BCAT2: variants seen among roughly 807,000 people sequenced by gnomAD.
BCAT2 encodes branched-chain-amino-acid aminotransferase, mitochondrial.
A neutral mutation model predicts 52.9 loss-of-function variants in BCAT2; 44 were observed. The ratio of observed to expected loss-of-function variants is 0.83; its 90% CI spans 0.65 to 1.07. BCAT2 has a LOEUF of 1.07. Among genes scored for constraint, BCAT2 ranks in the 50% least tolerant of loss-of-function variants. The pLI is 0.00. For synonymous variants in BCAT2, 215 were observed against 217.1 expected, an observed-to-expected ratio of 0.99 and a Z score of 0.08; for missense variants, 478 against 521.8, an observed-to-expected ratio of 0.92 and a Z score of 0.82.
rs2034824233 is a variant in BCAT2, at chr19:48,807,752, T to A, written c.25-678A>T. On this transcript the variant is annotated intron_variant, in intron 1 of 10. Coordinates refer to ENST00000316273, the MANE Select transcript of BCAT2 (RefSeq NM_001190.4). This position sits in a 1 kb window ranked among gnomAD's most constrained non-coding sequence, Gnocchi z 4.6. ...AGGTATTCGATCAACTGGGCTCTGA[T>A]TACCTGAAATACAAACCCATTTTGG... 1 of 986,054 alleles carries A rather than the reference T, an allele frequency of 1.0e-6. No individual in the cohort carries two copies. Among genetic ancestry groups the A allele is most frequent in the Non-Finnish European group, 1.2e-6 (1 of 830,068 alleles). 61.1% of individuals were successfully genotyped at this position (986,054 alleles called of 1,614,324 possible).
intron 1 of BCAT2, among the ~76,000 whole-genome samples, chr19:48,808,936 TGGTGGC>T (rs1413234600): frequency 1.3e-5 from 2 of 151,406 alleles, no homozygotes; most frequent in Non-Finnish European, 2.9e-5. Flanking sequence ...TAGCCAGGTA[TGGTGGC>T]ACACACCTGT....
chr19:48,806,502 C>A lies in BCAT2; in HGVS notation c.300+15G>T, dbSNP rs766873285. On this transcript the variant is annotated intron_variant, in intron 3 of 10. Transcript: ENST00000316273. ...TGCAGACAGGGACAGGGAGAGAGGCCGGCCGCCATGCCACCTGCAGGGAGT... is the reference window on the plus strand; with the variant it reads ...TGCAGACAGGGACAGGGAGAGAGGCAGGCCGCCATGCCACCTGCAGGGAGT... 1.2e-6 allele frequency: 2 copies of A among 1,613,192 alleles called. No individual in the cohort carries two copies. The highest frequency in any genetic ancestry group is 1.1e-5 in the South Asian group (1 of 91,024).
chr19:48,810,736 CTTTTTT>C (rs35945446), intron 1 of BCAT2: 412 of 720,894 alleles, frequency 5.7e-4, no homozygotes, highest in South Asian at 1.6e-3. Context: ...CCATGTTTCC[CTTTTTT>C]TTTTTTTTTT....
intron 6 of BCAT2, chr19:48,797,591 C>T: frequency 2.3e-6 from 1 of 434,594 alleles, no homozygotes; most frequent in Non-Finnish European, 4.2e-6. Flanking sequence ...CGCTCTGTCA[C>T]CCAGGCTGGA....
In BCAT2 at chr19:48,797,178, T is replaced by A; in HGVS notation, c.838+13A>T. The A allele has an allele frequency of 6.2e-7, 1 of 1,613,446 alleles. No homozygotes were observed. The highest frequency in any genetic ancestry group is 8.5e-7 in the Non-Finnish European group (1 of 1,179,712). ...TTCCACCAGGGTTCGGGCTGGGTCATGGGTGGGCTTACCCCCATCTTCGTG... is the reference window on the plus strand; with the variant it reads ...TTCCACCAGGGTTCGGGCTGGGTCAAGGGTGGGCTTACCCCCATCTTCGTG... On this transcript the variant is annotated intron_variant, in intron 7 of 10. Transcript: ENST00000316273.
At chr19:48,801,011 A>T (rs2034646311) in intron 3 of BCAT2, among the ~76,000 whole-genome samples, 1 of 151,480 alleles carries the variant, frequency 6.6e-6, no homozygotes, top group South Asian at 2.1e-4. Flanking sequence ...GTTTTGAGAC[A>T]GGGTCTCACT....
At chr19:48,802,293 AACTG>A (rs1308410209) in intron 3 of BCAT2, among the ~76,000 whole-genome samples, 1 of 152,040 alleles carries the variant, frequency 6.6e-6, no homozygotes, top group Non-Finnish European at 1.5e-5. Context: ...TGGGTGTGGA[AACTG>A]ACACACCCTG....
At position 48,807,144 on chromosome 19, in the gene BCAT2, C is replaced by T; in HGVS notation, c.25-70G>A. On this transcript the variant is annotated intron_variant, in intron 1 of 10. Transcript: ENST00000316273. This position sits in a 1 kb window ranked among gnomAD's most constrained non-coding sequence, Gnocchi z 4.6. ...AGGGGCCCTGGCAGCTCGCTCGCCA[C>T]CTCCTGCACTTGGAGGTCCCACTGG... The T allele has an allele frequency of 1.5e-6, 2 of 1,335,358 alleles. No homozygotes were observed. The highest frequency in any genetic ancestry group is 2.1e-6 in the Non-Finnish European group (2 of 954,666). 82.7% of individuals were successfully genotyped at this position (1,335,358 alleles called of 1,614,324 possible). A position where few individuals can be genotyped will look rare whatever the true frequency, so the allele number is the denominator to read the frequency against.
chr19:48,796,486 G>A lies in BCAT2; in HGVS notation c.1082C>T (p.Thr361Ile). The change falls in exon 10 of 11, where the codon ACC (threonine) becomes ATC (isoleucine). Residue 361 changes from threonine to isoleucine, a missense_variant. Physicochemically the swap from Thr to Ile is moderately conservative, Grantham distance 89. Coordinates refer to ENST00000316273, the MANE Select transcript of BCAT2 (RefSeq NM_001190.4). The part of the protein sequence containing the change: ...LYKDRNLHIP[T>I]MENGPELILR... ...GATCAGCTCAGGCCCATTTTCCATG[G>A]TGGGAATGTGGAGGTTCTGGGACAG... The A allele has an allele frequency of 6.2e-7, 1 of 1,613,690 alleles. No homozygotes were observed. The highest frequency in any genetic ancestry group is 1.7e-4 in the Middle Eastern group (1 of 6,056).
rs1568507289 is a variant in BCAT2, at chr19:48,799,957, T to TCCCAGCCCTGGAGTTGGGCCCACCTC, written c.529_531+23dup. On this transcript the variant is annotated intron_variant, in intron 5 of 10. Coordinates refer to ENST00000316273, the MANE Select transcript of BCAT2 (RefSeq NM_001190.4). The surrounding 1 kb of genome is among the most constrained non-coding windows in gnomAD (Gnocchi z 5.5). ...AGAATCCAACCCCCGCAGCCCAGCT[T>TCCCAGCCCTGGAGTTGGGCCCACCTC]CCCAGCCCTGGAGTTGGGCCCACCT... 2 of 1,611,352 alleles carry TCCCAGCCCTGGAGTTGGGCCCACCTC rather than the reference T, an allele frequency of 1.2e-6. No homozygotes were observed.
At position 48,806,594 on chromosome 19, in the gene BCAT2, A is replaced by C. The variant is rs1489994743; in HGVS notation, c.223T>G (p.Trp75Gly). Reference protein sequence around the residue: ...MLMVEWNDKGWGQPRIQPFQN... With the variant: ...MLMVEWNDKGGGQPRIQPFQN... ...AAGGGCTGGATTCGGGGCTGGCCCC[A>C]GCCCTTGTCATTCCATTCCACCATC... Residue 75 changes from tryptophan (W) to glycine (G), a missense_variant, in exon 3 of 11, where the codon TGG becomes GGG. Coordinates refer to ENST00000316273, the MANE Select transcript of BCAT2 (RefSeq NM_001190.4). 6.2e-7 allele frequency: 1 copy of C among 1,614,194 alleles called. No individual in the cohort carries two copies. The highest frequency in any genetic ancestry group is 8.5e-7 in the Non-Finnish European group (1 of 1,180,032).
chr19:48,799,448 C>T lies in BCAT2; in HGVS notation c.695+227G>A. On this transcript the variant is annotated intron_variant, in intron 6 of 10. Transcript: ENST00000316273. This position sits in a 1 kb window ranked among gnomAD's most constrained non-coding sequence, Gnocchi z 5.5. The stretch of plus-strand genomic sequence containing the variant: ...TTCCCCACTGACCTCCACCCAATGC[C>T]TTCCCATCTGTGAGCCTTTTTGTCC... 1.7e-6 allele frequency: 1 copy of T among 577,394 alleles called. No individual in the cohort carries two copies. Among genetic ancestry groups the T allele is most frequent in the Non-Finnish European group, 2.8e-6 (1 of 355,824 alleles). The allele number at this position is 577,394 out of a possible 1,614,324, so 35.8% of individuals were successfully genotyped here.
intron 3 of BCAT2, among the ~76,000 whole-genome samples, chr19:48,800,750 A>T (rs1017153439): frequency 2.6e-5 from 4 of 151,908 alleles, no homozygotes; most frequent in African/African-American, 9.7e-5. Flanking sequence ...TTGAGACTGC[A>T]GTGAGCCACG....
At chr19:48,795,597 A>T in intron 10 of BCAT2, 133 bp from the exon 11 acceptor site, 1 of 1,005,516 alleles carries the variant, frequency 9.9e-7, no homozygotes. Flanking sequence ...CACTTCCCAG[A>T]GGGCCCCAAC....
chr19:48,800,175 G>C lies in BCAT2; in HGVS notation c.411+12C>G, dbSNP rs528052478. 10 of 1,612,880 alleles carry C rather than the reference G, an allele frequency of 6.2e-6. No homozygotes were observed. The highest frequency in any genetic ancestry group is 8.5e-6 in the Non-Finnish European group (10 of 1,179,520). On this transcript the variant is annotated intron_variant, in intron 4 of 10. Coordinates refer to ENST00000316273, the MANE Select transcript of BCAT2 (RefSeq NM_001190.4). ...GCCCTCCTCCCCACCCCGGTGGACC[G>C]GGACCCCTCACCGGCAGGCACAGGC...
At chr19:48,810,868 G>A in intron 1 of BCAT2, 116 bp downstream of exon 1, 2 of 1,533,376 alleles carry the variant, frequency 1.3e-6, no homozygotes, top group Non-Finnish European at 1.8e-6. Flanking sequence ...CCCTGCAGCG[G>A]AACCCCAGGG....
intron 3 of BCAT2, among the ~76,000 whole-genome samples, chr19:48,802,421 G>A (rs1364008691): frequency 6.6e-6 from 1 of 150,672 alleles, no homozygotes; most frequent in Admixed American, 6.7e-5. Flanking sequence ...GACTAAAGAA[G>A]GGACGTGTGT....
intron 6 of BCAT2, 24 bp from the exon 7 acceptor site, chr19:48,797,357 G>A: frequency 6.2e-7 from 1 of 1,613,118 alleles, no homozygotes; most frequent in Non-Finnish European, 8.5e-7. Context: ...GTCTGGTTGG[G>A]TGGGGCAAGG....
intron 10 of BCAT2, 100 bp from the exon 11 acceptor site, chr19:48,795,564 A>G: frequency 7.2e-7 from 1 of 1,395,232 alleles, no homozygotes; most frequent in Non-Finnish European, 1.0e-6. Flanking sequence ...GCTGTGCCCC[A>G]GCGGCTCACG....
Sources: allele counts gnomAD v4.1 joint callset (sites outside exome capture counted in the v4.1 genomes callset), GRCh38; gene constraint gnomAD v4.1.1; non-coding constraint Gnocchi (gnomAD v3.1); transcripts MANE v1.5; gene names NCBI Gene and HGNC (gene_info 2026-07-23, HGNC 2026-07-21).